Variants in WDR49 observed in about 807,000 individuals in gnomAD.
WDR49 encodes the protein WD repeat domain 49.
In WDR49, 107 loss-of-function variants were observed where a neutral mutation model predicts 119.5. That is an observed-to-expected ratio of 0.90 (90% CI 0.77 to 1.05). WDR49 has a LOEUF of 1.05. WDR49 is among the 50% of genes least tolerant of loss of function. WDR49 has a pLI of 0.00. For synonymous variants in WDR49, 425 were observed against 418.8 expected, an observed-to-expected ratio of 1.01 and a Z score of -0.18; for missense variants, 1,240 against 1,220.5, an observed-to-expected ratio of 1.02 and a Z score of -0.24.
intron 9 of WDR49, among the ~76,000 whole-genome samples, chr3:167,557,967 A>G (rs1015018730): frequency 6.6e-6 from 1 of 152,112 alleles, no homozygotes; most frequent in Non-Finnish European, 1.5e-5. Context: ...CAAGAAACAA[A>G]TGGCCAGGCA....
At position 167,525,512 on chromosome 3, in the gene WDR49, G is replaced by C. The variant is rs77119060; in HGVS notation, c.2604+2308C>G. The stretch of plus-strand genomic sequence containing the variant: ...CTAAATCAAATTTTAATTATTCACT[G>C]GATGAAGAGACACAATCAAAGTCAC... On this transcript the variant is annotated intron_variant, in intron 15 of 18. Coordinates refer to ENST00000682715, the MANE Select transcript of WDR49 (RefSeq NM_001366157.1). Among the ~76,000 whole-genome samples, 1,040 of 152,046 alleles carry C rather than the reference G, an allele frequency of 6.8e-3. 15 individuals carry two copies. The highest frequency in any genetic ancestry group is 0.024 in the African/African-American group (986 of 41,488).
intron 15 of WDR49, among the ~76,000 whole-genome samples, chr3:167,525,817 G>C (rs965157256): frequency 1.3e-5 from 2 of 151,348 alleles, no homozygotes; most frequent in African/African-American, 4.9e-5. Flanking sequence ...TGTTATAAAA[G>C]TGATTCTAAT....
At chr3:167,644,293 A>G (rs925861087) in intron 2 of WDR49, among the ~76,000 whole-genome samples, 1 of 152,098 alleles carries the variant, frequency 6.6e-6, no homozygotes, top group Non-Finnish European at 1.5e-5. Flanking sequence ...AAGACATGCC[A>G]GCATTTTAAG....
rs373290763 is a variant in WDR49, at chr3:167,522,502, ATC to A, written c.2605-20_2605-19del. 9.4e-3 allele frequency: 14,917 copies of A among 1,583,328 alleles called. 91 individuals are homozygous for A. Among genetic ancestry groups the A allele is most frequent in the Non-Finnish European group, 0.011 (13,069 of 1,172,744 alleles). ...TGCTTTGCCTGAAAAAAACGAAAAC[ATC>A]TGTTTTATTTTTATGAAATTTATTT... On this transcript the variant is annotated intron_variant, in intron 15 of 18. Transcript: ENST00000682715.
intron 13 of WDR49, among the ~76,000 whole-genome samples, chr3:167,530,378 A>G (rs1439024756): frequency 6.6e-6 from 1 of 152,032 alleles, no homozygotes; most frequent in Non-Finnish European, 1.5e-5. Context: ...AAAAATATAC[A>G]TTATTCTCCA....
At chr3:167,595,714 C>T (rs942113418) in intron 7 of WDR49, among the ~76,000 whole-genome samples, 2 of 151,742 alleles carry the variant, frequency 1.3e-5, no homozygotes, top group South Asian at 2.1e-4. Context: ...ATACAAAAAT[C>T]AATTCAAGAT....
chr3:167,508,680 C>G lies in WDR49; in HGVS notation c.2775-3264G>C, dbSNP rs542802852. On this transcript the variant is annotated intron_variant, in intron 16 of 18. Coordinates refer to ENST00000682715, the MANE Select transcript of WDR49 (RefSeq NM_001366157.1). ...AAAGATGTGGCACTCCCCCAAATAA[C>G]AATTTGCTGTTCTAGTATTTTTAAA... 2.6e-5 allele frequency among the ~76,000 whole-genome samples: 4 copies of G among 152,270 alleles called. No individual in the cohort carries two copies. In the South Asian group the frequency reaches 8.3e-4, roughly 32 times the overall value.
At chr3:167,548,446 G>C (rs1712341978) in intron 10 of WDR49, among the ~76,000 whole-genome samples, 1 of 151,926 alleles carries the variant, frequency 6.6e-6, no homozygotes, top group Non-Finnish European at 1.5e-5. Flanking sequence ...TTGTCACAAG[G>C]GGTAATCACT....
chr3:167,633,229 C>G, intron 2 of WDR49, among the ~76,000 whole-genome samples: 1 of 151,916 alleles, frequency 6.6e-6, no homozygotes, highest in Non-Finnish European at 1.5e-5. Context: ...AGAATAGGTG[C>G]AGGAGACTGT....
At chr3:167,622,868 A>G (rs540101477) in intron 3 of WDR49, among the ~76,000 whole-genome samples, 2 of 152,258 alleles carry the variant, frequency 1.3e-5, no homozygotes, top group Non-Finnish European at 2.9e-5. Flanking sequence ...TATAAATTAT[A>G]TTCTCCAAAC....
intron 7 of WDR49, among the ~76,000 whole-genome samples, chr3:167,599,032 T>C (rs1026621199): frequency 2.6e-5 from 4 of 152,162 alleles, no homozygotes; most frequent in Non-Finnish European, 5.9e-5. Flanking sequence ...CTGGGTCAGA[T>C]ATGAAGCCAG....
intron 7 of WDR49, among the ~76,000 whole-genome samples, chr3:167,600,504 G>A (rs1369830545): frequency 6.6e-6 from 1 of 152,198 alleles, no homozygotes; most frequent in African/African-American, 2.4e-5. Context: ...GTGTTTTTGT[G>A]TATGTGTAGA....
intron 7 of WDR49, among the ~76,000 whole-genome samples, chr3:167,578,770 A>T (rs141503218): frequency 4.0e-4 from 61 of 152,216 alleles, no homozygotes; most frequent in African/African-American, 1.4e-3. Flanking sequence ...CTATTTTTGC[A>T]TTAGCTGATT....
chr3:167,502,139 A>C (rs753196671), intron 17 of WDR49, among the ~76,000 whole-genome samples: 1 of 152,020 alleles, frequency 6.6e-6, no homozygotes, highest in Non-Finnish European at 1.5e-5. Flanking sequence ...CGTGTGTGGC[A>C]CCACCCCCAG....
chr3:167,521,298 T>C (rs1030260243), intron 16 of WDR49, among the ~76,000 whole-genome samples: 3 of 152,206 alleles, frequency 2.0e-5, no homozygotes, highest in Middle Eastern at 3.4e-3. Flanking sequence ...TTTGGAAATG[T>C]GCAATGCAGA....
chr3:167,653,335 C>T lies in WDR49; in HGVS notation c.91G>A (p.Glu31Lys). Residue 31 changes from glutamate to lysine, a missense_variant, in exon 2 of 19, where the codon GAA becomes AAA. Transcript: ENST00000682715. ...PERTEGVTAF[E>K]DYGTGLLENQ... The stretch of plus-strand genomic sequence containing the variant: ...TCAAGCAGGCCTGTGCCATAGTCTT[C>T]AAATGCAGTTACACCTTCTGTTCTC... The T allele has an allele frequency of 2.0e-6, 3 of 1,536,184 alleles. No individual in the cohort carries two copies. The highest frequency in any genetic ancestry group is 2.6e-6 in the Non-Finnish European group (3 of 1,146,912).
intron 9 of WDR49, 24 bp from the exon 10 acceptor site, chr3:167,554,822 CT>C (rs756842449): frequency 1.3e-5 from 20 of 1,543,722 alleles, no homozygotes; most frequent in Non-Finnish European, 1.7e-5. Flanking sequence ...ATTAAAACCA[CT>C]TTGAGACAGG....
chr3:167,557,281 G>C (rs1712990690), intron 9 of WDR49, among the ~76,000 whole-genome samples: 1 of 152,004 alleles, frequency 6.6e-6, no homozygotes, highest in Non-Finnish European at 1.5e-5. Flanking sequence ...TTAAAAATTG[G>C]CTTAAAATTT....
At chr3:167,627,604 C>T (rs1380885107) in intron 2 of WDR49, among the ~76,000 whole-genome samples, 3 of 151,986 alleles carry the variant, frequency 2.0e-5, no homozygotes, top group Non-Finnish European at 4.4e-5. Context: ...CCAAAGAATT[C>T]AGGTTACCTC....
Sources: allele counts gnomAD v4.1 joint callset (sites outside exome capture counted in the v4.1 genomes callset), GRCh38; gene constraint gnomAD v4.1.1; transcripts MANE v1.5; gene names NCBI Gene and HGNC (gene_info 2026-07-23, HGNC 2026-07-21).